Variants in DOP1B observed in about 807,000 individuals in gnomAD.
DOP1B encodes DOP1 leucine zipper like protein B, also known as protein DOP1B.
A neutral mutation model predicts 233.5 loss-of-function variants in DOP1B; 174 were observed. The observed-to-expected ratio is 0.75, with a 90% confidence interval of 0.66 to 0.85. The LOEUF (loss-of-function observed/expected upper bound fraction) is 0.85. Among genes scored for constraint, DOP1B ranks in the 40% least tolerant of loss-of-function variants. DOP1B has a pLI of 0.00. For missense variants in DOP1B, 2,652 were observed against 2,846.6 expected (o/e 0.93, Z 1.56); for synonymous variants, 1,190 against 1,185.6 (o/e 1.00, Z -0.08).
At chr21:36,185,920 G>A (rs1022977548) in intron 2 of DOP1B, among the ~76,000 whole-genome samples, 2 of 152,130 alleles carry the variant, frequency 1.3e-5, no homozygotes, top group South Asian at 2.1e-4. Context: ...GTAATTTTCT[G>A]GGCCGGGCGT....
At chr21:36,169,462 C>T in intron 2 of DOP1B, 1 of 1,089,094 alleles carries the variant, frequency 9.2e-7, no homozygotes, top group Non-Finnish European at 1.4e-6. Flanking sequence ...TCTTGTGGGG[C>T]AGCTTCTTGG....
chr21:36,270,649 C>CACGCCTGT (rs2067278171), intron 27 of DOP1B, among the ~76,000 whole-genome samples: 1 of 149,702 alleles, frequency 6.7e-6, no homozygotes, highest in Non-Finnish European at 1.5e-5. Context: ...CATGGTGGCT[C>CACGCCTGT]ACGCCTGTAA....
At chr21:36,228,679 C>T (rs1250354392) in intron 13 of DOP1B, among the ~76,000 whole-genome samples, 1 of 151,672 alleles carries the variant, frequency 6.6e-6, no homozygotes, top group Non-Finnish European at 1.5e-5. Flanking sequence ...GGCAGGAGAA[C>T]AGCGTGAACC....
rs1214848367 is a variant in DOP1B at position 36,229,790 on chromosome 21, T to G, written c.1666-660T>G. On this transcript the variant is annotated intron_variant, in intron 13 of 36. Coordinates refer to ENST00000691173, the MANE Select transcript of DOP1B (RefSeq NM_001320714.2). The stretch of plus-strand genomic sequence containing the variant: ...GATTCTCATGCCTCAGCCTCCCAAG[T>G]AGCTGGGATTACAGGCACCCACCAC... 5.3e-5 allele frequency among the ~76,000 whole-genome samples: 8 copies of G among 150,302 alleles called. No individual in the cohort carries two copies. The East Asian group carries it at 1.6e-3, about 30-fold the overall frequency.
At chr21:36,228,980 A>T (rs900304446) in intron 13 of DOP1B, among the ~76,000 whole-genome samples, 1 of 151,806 alleles carries the variant, frequency 6.6e-6, no homozygotes, top group African/African-American at 2.4e-5. Flanking sequence ...ACAAAAAAAA[A>T]TTTTTAAGTT....
chr21:36,250,578 G>A (rs555435456), intron 21 of DOP1B, among the ~76,000 whole-genome samples: 9 of 152,316 alleles, frequency 5.9e-5, no homozygotes, highest in South Asian at 2.1e-4. Context: ...TTTACAGAGC[G>A]AGAAACGTGG....
At chr21:36,214,234 A>G (rs1416948931) in intron 8 of DOP1B, 44 bp downstream of exon 8, 5 of 1,516,530 alleles carry the variant, frequency 3.3e-6, no homozygotes, top group Non-Finnish European at 4.6e-6. Context: ...CTTGGTGACG[A>G]TTCTCCAGTG....
chr21:36,265,024 T>C (rs924579890), intron 26 of DOP1B, among the ~76,000 whole-genome samples: 1 of 152,214 alleles, frequency 6.6e-6, no homozygotes, highest in African/African-American at 2.4e-5. Context: ...CTGCTAATCT[T>C]TATGATCCCT....
chr21:36,250,916 T>G (rs2067025254), intron 21 of DOP1B, among the ~76,000 whole-genome samples: 2 of 152,154 alleles, frequency 1.3e-5, no homozygotes, highest in South Asian at 4.1e-4. Flanking sequence ...CTCTCCACCT[T>G]GGCTGCTCAC....
At chr21:36,195,993 A>G (rs137907516) in intron 2 of DOP1B, among the ~76,000 whole-genome samples, 102 of 152,306 alleles carry the variant, frequency 6.7e-4, no homozygotes, top group African/African-American at 1.4e-3. Flanking sequence ...CCATAATTCT[A>G]TTCATCTTGT....
chr21:36,276,994 C>T, intron 27 of DOP1B, 27 bp from the exon 28 acceptor site: 1 of 1,612,484 alleles, frequency 6.2e-7, no homozygotes, highest in Non-Finnish European at 8.5e-7. Flanking sequence ...TCATAGTTAA[C>T]ATACAAATGG....
At chr21:36,159,288 C>T (rs919411437) in intron 1 of DOP1B, among the ~76,000 whole-genome samples, 1 of 151,572 alleles carries the variant, frequency 6.6e-6, no homozygotes, top group Non-Finnish European at 1.5e-5. Context: ...CCCATCTCTA[C>T]TAAAAATACA....
chr21:36,257,419 C>T (rs1210882377), intron 23 of DOP1B, among the ~76,000 whole-genome samples: 2 of 152,216 alleles, frequency 1.3e-5, no homozygotes, highest in African/African-American at 4.8e-5. Context: ...TTCTTCTTGG[C>T]CTGTCTGCAC....
rs998986320 is a variant in DOP1B at position 36,244,545 on chromosome 21, C to T, written c.3068-503C>T. On this transcript the variant is annotated intron_variant, in intron 18 of 36. Coordinates refer to ENST00000691173, the MANE Select transcript of DOP1B (RefSeq NM_001320714.2). ...GTTCAAATGATTCTCCTGCCTCAGCCTCCCGAGTAGCTGGAATTACAAGCA... is the reference window on the plus strand; with the variant it reads ...GTTCAAATGATTCTCCTGCCTCAGCTTCCCGAGTAGCTGGAATTACAAGCA... 2.3e-4 allele frequency among the ~76,000 whole-genome samples: 35 copies of T among 152,234 alleles called. 1 individual carries two copies. The highest frequency in any genetic ancestry group is 2.0e-3 in the Admixed American group (31 of 15,288).
At chr21:36,205,633 C>T (rs2066418053) in intron 4 of DOP1B, among the ~76,000 whole-genome samples, 1 of 152,074 alleles carries the variant, frequency 6.6e-6, no homozygotes, top group African/African-American at 2.4e-5. Context: ...AATGATCCAC[C>T]TGCCTTGGCC....
chr21:36,277,947 C>T (rs771675005), intron 28 of DOP1B, 28 bp from the exon 29 acceptor site: 29 of 1,596,844 alleles, frequency 1.8e-5, no homozygotes, highest in Non-Finnish European at 2.5e-5. Flanking sequence ...TGGCCAGTTT[C>T]TGTTTTCTTA....
intron 9 of DOP1B, among the ~76,000 whole-genome samples, chr21:36,217,401 A>G (rs2066572445): frequency 1.3e-5 from 2 of 152,192 alleles, no homozygotes; most frequent in South Asian, 4.1e-4. Context: ...AACAACCCCA[A>G]GGTAGGTTCT....
At position 36,233,063 on chromosome 21, in the gene DOP1B, A is replaced by G. The variant is rs778846810; in HGVS notation, c.2610A>G (p.Thr870=). 8 of 1,613,916 alleles carry G rather than the reference A, an allele frequency of 5.0e-6. No individual in the cohort carries two copies. The highest frequency in any genetic ancestry group is 1.7e-5 in the Admixed American group (1 of 59,966). Residue 870 remains threonine, a synonymous_variant, in exon 15 of 37, where the codon ACA becomes ACG. Coordinates refer to ENST00000691173, the MANE Select transcript of DOP1B (RefSeq NM_001320714.2). The stretch of plus-strand genomic sequence containing the variant: ...TATTGAAAGTCATTGCAGAGAAAAC[A>G]GATTTCTATCAGGTATTTCCCACTG... ...PGILKVIAEK[T]DFYQRVARVL... is the part of the protein sequence containing the mutation.
intron 21 of DOP1B, among the ~76,000 whole-genome samples, chr21:36,249,580 C>T (rs1366571087): frequency 6.6e-6 from 1 of 152,220 alleles, no homozygotes; most frequent in Non-Finnish European, 1.5e-5. Context: ...ATGGCCCCAT[C>T]AGAGTGGAAT....
Sources: allele counts gnomAD v4.1 joint callset (sites outside exome capture counted in the v4.1 genomes callset), GRCh38; gene constraint gnomAD v4.1.1; transcripts MANE v1.5; gene names NCBI Gene and HGNC (gene_info 2026-07-23, HGNC 2026-07-21).